Variants in EPHA5 observed in about 807,000 individuals in gnomAD.
The protein encoded by EPHA5 is EPH receptor A5, also known as ephrin type-A receptor 5.
Under a neutral mutation model 105.0 loss-of-function variants are expected in EPHA5, and 60 were observed. The ratio of observed to expected loss-of-function variants is 0.57; its 90% CI spans 0.46 to 0.71. The LOEUF (loss-of-function observed/expected upper bound fraction) is 0.71. Among genes scored for constraint, EPHA5 ranks in the 30% least tolerant of loss-of-function variants. The pLI, the probability that EPHA5 is intolerant of heterozygous loss-of-function variation, is 0.00. For missense variants in EPHA5, 1,218 were observed against 1,274.7 expected (o/e 0.96, Z 0.68); for synonymous variants, 513 against 449.1 (o/e 1.14, Z -1.80).
At chr4:65,497,155 A>G (rs370517147) in intron 3 of EPHA5, among the ~76,000 whole-genome samples, 6 of 152,276 alleles carry the variant, frequency 3.9e-5, no homozygotes, top group Admixed American at 2.6e-4. Flanking sequence ...AGCTCACTAC[A>G]TATACTGAAG....
At chr4:65,381,571 CAA>C (rs1719567028) in intron 8 of EPHA5, among the ~76,000 whole-genome samples, 1 of 151,650 alleles carries the variant, frequency 6.6e-6, no homozygotes, top group Non-Finnish European at 1.5e-5. Context: ...TAATATTAAC[CAA>C]ATAACACTGA....
chr4:65,499,486 C>T (rs1334881309), intron 3 of EPHA5, among the ~76,000 whole-genome samples: 1 of 151,558 alleles, frequency 6.6e-6, no homozygotes, highest in African/African-American at 2.4e-5. Context: ...TGTAGTTCCT[C>T]ATTCTAAATC....
intron 3 of EPHA5, among the ~76,000 whole-genome samples, chr4:65,540,731 T>C (rs958997996): frequency 6.6e-6 from 1 of 151,178 alleles, no homozygotes; most frequent in African/African-American, 2.4e-5. Flanking sequence ...GAAAATCAAG[T>C]GTATTTAACT....
chr4:65,552,868 A>G (rs1350068547), intron 3 of EPHA5, among the ~76,000 whole-genome samples: 1 of 152,032 alleles, frequency 6.6e-6, no homozygotes, highest in Non-Finnish European at 1.5e-5. Context: ...TCTTTTTTTT[A>G]GTAAATAAGC....
chr4:65,644,207 C>T (rs1026541874), intron 1 of EPHA5, among the ~76,000 whole-genome samples: 2 of 151,524 alleles, frequency 1.3e-5, no homozygotes, highest in African/African-American at 4.8e-5. Flanking sequence ...TGAGTATCTA[C>T]ACACACACAC....
intron 8 of EPHA5, among the ~76,000 whole-genome samples, chr4:65,398,402 C>T (rs749443078): frequency 2.0e-5 from 3 of 152,094 alleles, no homozygotes; most frequent in African/African-American, 2.4e-5. Context: ...AGGAACCCCT[C>T]AGCATGAACA....
chr4:65,478,884 A>G (rs1342201664), intron 5 of EPHA5, among the ~76,000 whole-genome samples: 2 of 152,240 alleles, frequency 1.3e-5, no homozygotes, highest in African/African-American at 2.4e-5. Flanking sequence ...CATTAAAAAT[A>G]TAGTTCCCAT....
intron 3 of EPHA5, among the ~76,000 whole-genome samples, chr4:65,572,489 T>C (rs926666659): frequency 2.0e-5 from 3 of 152,170 alleles, no homozygotes; most frequent in African/African-American, 7.2e-5. Context: ...CCCAGTCATC[T>C]ACAAAATAAA....
intron 2 of EPHA5, among the ~76,000 whole-genome samples, chr4:65,616,095 G>T (rs939646526): frequency 1.3e-5 from 2 of 151,796 alleles, no homozygotes; most frequent in Non-Finnish European, 2.9e-5. Flanking sequence ...CATGGAATAC[G>T]ACTCAACAAT....
At chr4:65,573,289 T>C (rs1740406318) in intron 3 of EPHA5, among the ~76,000 whole-genome samples, 1 of 150,982 alleles carries the variant, frequency 6.6e-6, no homozygotes, top group African/African-American at 2.4e-5. Context: ...CAGGTGCCTG[T>C]GGTCCCAGCT....
chr4:65,344,044 A>G (rs1211411031), intron 14 of EPHA5, among the ~76,000 whole-genome samples: 2 of 152,214 alleles, frequency 1.3e-5, no homozygotes. Context: ...AAAATAGATG[A>G]TACTATAATG....
chr4:65,575,992 GAGAGAGAGAGAA>G (rs1385954812), intron 3 of EPHA5, among the ~76,000 whole-genome samples: 55 of 72,630 alleles, frequency 7.6e-4, no homozygotes, highest in African/African-American at 2.7e-3. Context: ...AAGAGAGAGA[GAGAGAGAGAGAA>G]AGAAAGAAAG....
chr4:65,524,754 T>C (rs1735072991), intron 3 of EPHA5, among the ~76,000 whole-genome samples: 1 of 151,792 alleles, frequency 6.6e-6, no homozygotes, highest in African/African-American at 2.4e-5. Context: ...ATTTCCCATA[T>C]GAATGAAGAA....
intron 5 of EPHA5, among the ~76,000 whole-genome samples, chr4:65,488,885 A>ATTCTT: frequency 8.5e-6 from 1 of 117,766 alleles, no homozygotes; most frequent in East Asian, 2.5e-4. Context: ...AGCTGCATGC[A>ATTCTT]TTTTTTTTTT....
At chr4:65,429,703 A>C (rs1014787486) in intron 5 of EPHA5, among the ~76,000 whole-genome samples, 1 of 152,046 alleles carries the variant, frequency 6.6e-6, no homozygotes, top group Non-Finnish European at 1.5e-5. Flanking sequence ...TTATCTATTG[A>C]TTGTTTAAAG....
chr4:65,553,922 A>G (rs955655097), intron 3 of EPHA5, among the ~76,000 whole-genome samples: 3 of 152,036 alleles, frequency 2.0e-5, no homozygotes, highest in Non-Finnish European at 2.9e-5. Flanking sequence ...TTCATTTTTT[A>G]TATTAGCTAC....
chr4:65,425,740 G>A (rs1724373291), intron 5 of EPHA5, among the ~76,000 whole-genome samples: 2 of 151,906 alleles, frequency 1.3e-5, no homozygotes, highest in Non-Finnish European at 2.9e-5. Flanking sequence ...TGAACCAGTG[G>A]CTCACTATTG....
At chr4:65,473,861 T>A (rs978424087) in intron 5 of EPHA5, among the ~76,000 whole-genome samples, 7 of 145,858 alleles carry the variant, frequency 4.8e-5, no homozygotes, top group African/African-American at 1.8e-4. Context: ...TAGTCCTCAT[T>A]ACTCTTTCAA....
At chr4:65,524,733 A>C (rs1735070335) in intron 3 of EPHA5, among the ~76,000 whole-genome samples, 1 of 151,832 alleles carries the variant, frequency 6.6e-6, no homozygotes, top group African/African-American at 2.4e-5. Context: ...ATTTTGAATA[A>C]AATCCTGGAC....
Sources: allele counts gnomAD v4.1 joint callset (sites outside exome capture counted in the v4.1 genomes callset), GRCh38; gene constraint gnomAD v4.1.1; transcripts MANE v1.5; gene names NCBI Gene and HGNC (gene_info 2026-07-23, HGNC 2026-07-21).